Variants in ASXL3 observed in about 807,000 individuals in gnomAD.
ASXL3 encodes the protein putative Polycomb group protein ASXL3.
In ASXL3, 34 loss-of-function variants were observed where a neutral mutation model predicts 170.6. The observed-to-expected ratio is 0.20, with a 90% CI of 0.15 to 0.27. The LOEUF (loss-of-function observed/expected upper bound fraction) is 0.27. ASXL3 is among the 10% of genes least tolerant of loss of function. The probability of loss-of-function intolerance (pLI) is 1.00; values close to 1 mark genes in which losing one functional copy is unlikely to be tolerated. For missense variants in ASXL3, 2,592 were observed against 2,695.3 expected (o/e 0.96, Z 0.85); for synonymous variants, 1,002 against 989.1 (o/e 1.01, Z -0.24).
At chr18:33,650,759 G>A (rs2065985009) in intron 4 of ASXL3, among the ~76,000 whole-genome samples, 1 of 152,100 alleles carries the variant, frequency 6.6e-6, no homozygotes, top group Non-Finnish European at 1.5e-5. Flanking sequence ...TTGCATTCGG[G>A]AAATTACTTT....
chr18:33,605,157 T>C (rs1264922100), intron 1 of ASXL3, among the ~76,000 whole-genome samples: 1 of 151,966 alleles, frequency 6.6e-6, no homozygotes, highest in Non-Finnish European at 1.5e-5. Flanking sequence ...CAAGAGATTG[T>C]TGGGGCAATG....
At chr18:33,629,263 G>A (rs1211713851) in intron 2 of ASXL3, among the ~76,000 whole-genome samples, 2 of 152,070 alleles carry the variant, frequency 1.3e-5, no homozygotes, top group African/African-American at 4.8e-5. Context: ...GAAATTAGGT[G>A]GCAGGTGTAT....
At chr18:33,634,276 G>C (rs940834008) in intron 2 of ASXL3, among the ~76,000 whole-genome samples, 1 of 150,780 alleles carries the variant, frequency 6.6e-6, no homozygotes, top group Non-Finnish European at 1.5e-5. Context: ...GAGTACCCAC[G>C]TTCCAACAAA....
At position 33,578,458 on chromosome 18, in the gene ASXL3, C is replaced by G. The variant is rs2064962457; in HGVS notation, c.-174C>G. ...CCACCCCCTCGCTCCATCCCTCCCA[C>G]CCGCCGCCGCCGCCGCCGCCGCCGC... On this transcript the variant is annotated 5_prime_UTR_variant, in exon 1 of 12. Coordinates refer to ENST00000269197, the MANE Select transcript of ASXL3 (RefSeq NM_030632.3). The G allele has an allele frequency of 1.1e-5, 1 of 92,230 alleles. No individual in the cohort carries two copies. The highest frequency in any genetic ancestry group is 2.0e-5 in the Non-Finnish European group (1 of 49,896). 5.7% of individuals were successfully genotyped at this position (92,230 alleles called of 1,614,324 possible).
At position 33,744,533 on chromosome 18, in the gene ASXL3, T is replaced by C; in HGVS notation, c.4685T>C (p.Leu1562Ser). Residue 1562 changes from leucine (L) to serine (S), a missense_variant, in exon 12 of 12, where the codon TTA becomes TCA. This residue lies in a region of ASXL3 where 2,246 missense variants were observed against 2,219.6 expected (regional missense o/e 1.01). Coordinates refer to ENST00000269197, the MANE Select transcript of ASXL3 (RefSeq NM_030632.3). ...GCCACCTGCACAAGTCTCCGAGAATTACCCCTTGTTCCAGATAAATTAAAT... is the reference window on the plus strand; with the variant it reads ...GCCACCTGCACAAGTCTCCGAGAATCACCCCTTGTTCCAGATAAATTAAAT... ...LPATCTSLRE[L>S]PLVPDKLNEP... The C allele has an allele frequency of 6.2e-7, 1 of 1,612,196 alleles. No homozygotes were observed. The highest frequency in any genetic ancestry group is 8.5e-7 in the Non-Finnish European group (1 of 1,179,618).
chr18:33,675,700 CTGAGTTTCA>C (rs1001019560), intron 7 of ASXL3, among the ~76,000 whole-genome samples: 1 of 152,030 alleles, frequency 6.6e-6, no homozygotes. Context: ...TGTGCAAGGC[CTGAGTTTCA>C]CTTGGGCCTT....
At position 33,579,602 on chromosome 18, in the gene ASXL3, TTTTC is replaced by T. The variant is rs898234260; in HGVS notation, c.54+929_54+932del. ...ATGCATGTATATGTGTGGGTTTTTC[TTTTC>T]TTTCTTTCTTTTTTCTTCCTATCTT... is the stretch of plus-strand genomic sequence containing the variant. On this transcript the variant is annotated intron_variant, in intron 1 of 11. Transcript: ENST00000269197. Among the ~76,000 whole-genome samples, 15 of 152,320 alleles carry T rather than the reference TTTTC, an allele frequency of 9.8e-5. No homozygotes were observed. In the South Asian group the frequency reaches 1.4e-3, roughly 15 times the overall value.
At chr18:33,740,479 A>G (rs752560224) in intron 11 of ASXL3, 36 bp downstream of exon 11, 1 of 1,480,618 alleles carries the variant, frequency 6.8e-7, no homozygotes, top group Non-Finnish European at 9.0e-7. Context: ...AATTCCGTAG[A>G]TAGGCTTTTC....
At chr18:33,727,066 C>T (rs772828993) in intron 8 of ASXL3, among the ~76,000 whole-genome samples, 50 of 152,034 alleles carry the variant, frequency 3.3e-4, no homozygotes, top group East Asian at 9.7e-4. Context: ...TATTTAGAGC[C>T]GCAATCATCT....
At position 33,645,182 on chromosome 18, in the gene ASXL3, A is replaced by G. The variant is rs76463016; in HGVS notation, c.246+180A>G. ...AACAATGACATTTTTCTTTAAGGAAAGCATATCTGTGGTTTCACTCCGTGA... is the reference window on the plus strand; with the variant it reads ...AACAATGACATTTTTCTTTAAGGAAGGCATATCTGTGGTTTCACTCCGTGA... On this transcript the variant is annotated intron_variant, in intron 3 of 11. Coordinates refer to ENST00000269197, the MANE Select transcript of ASXL3 (RefSeq NM_030632.3). Among the ~76,000 whole-genome samples, 546 of 152,148 alleles carry G rather than the reference A, an allele frequency of 3.6e-3. 3 individuals carry two copies. Among genetic ancestry groups the G allele is most frequent in the African/African-American group, 0.012 (514 of 41,558 alleles).
intron 2 of ASXL3, chr18:33,626,841 C>T (rs2145163690): frequency 6.5e-6 from 1 of 152,790 alleles, no homozygotes; most frequent in East Asian, 1.9e-4. Context: ...ACTATATATA[C>T]ACATATATAA....
chr18:33,730,121 A>T (rs1460510091), intron 8 of ASXL3, among the ~76,000 whole-genome samples: 1 of 152,096 alleles, frequency 6.6e-6, no homozygotes. Context: ...TCCACAGGAC[A>T]TTTGGCCATG....
chr18:33,712,004 T>A (rs932753332), intron 8 of ASXL3, among the ~76,000 whole-genome samples: 1 of 152,164 alleles, frequency 6.6e-6, no homozygotes, highest in Admixed American at 6.6e-5. Flanking sequence ...CAATTTCTGG[T>A]TTACAGACAA....
intron 2 of ASXL3, among the ~76,000 whole-genome samples, chr18:33,627,500 G>C (rs2065620117): frequency 6.6e-6 from 1 of 151,926 alleles, no homozygotes; most frequent in East Asian, 1.9e-4. Flanking sequence ...TATATCCAGA[G>C]CCTTTTTCCC....
intron 1 of ASXL3, among the ~76,000 whole-genome samples, chr18:33,597,966 A>G (rs1253410885): frequency 6.6e-6 from 1 of 152,180 alleles, no homozygotes; most frequent in Non-Finnish European, 1.5e-5. Flanking sequence ...CTAGCATCTT[A>G]TATGGATTCC....
chr18:33,703,726 C>CATG (rs1348652424), intron 8 of ASXL3, among the ~76,000 whole-genome samples: 2 of 152,060 alleles, frequency 1.3e-5, no homozygotes, highest in African/African-American at 4.8e-5. Context: ...GCTTCCCTCA[C>CATG]ATGAATCTAT....
intron 8 of ASXL3, among the ~76,000 whole-genome samples, chr18:33,720,774 T>C (rs1307448701): frequency 1.3e-5 from 2 of 152,130 alleles, no homozygotes; most frequent in African/African-American, 4.8e-5. Flanking sequence ...ATTTCAGTTG[T>C]TTTTACTGAT....
chr18:33,617,681 A>G (rs1425331882), intron 2 of ASXL3, among the ~76,000 whole-genome samples: 2 of 152,172 alleles, frequency 1.3e-5, no homozygotes, highest in Non-Finnish European at 2.9e-5. Context: ...TATGCTGTCA[A>G]GCTTTCTTTC....
intron 7 of ASXL3, among the ~76,000 whole-genome samples, chr18:33,673,579 T>A (rs1225542574): frequency 1.3e-5 from 2 of 152,112 alleles, no homozygotes; most frequent in Admixed American, 1.3e-4. Context: ...TTGGCCAGGC[T>A]GGTCTCAAAC....
Sources: gnomAD v4.1 joint callset for allele counts (sites outside exome capture counted in the v4.1 genomes callset) on GRCh38, gnomAD v4.1.1 for gene constraint, gnomAD v4.1.1 regional missense constraint, MANE v1.5 for transcripts, NCBI Gene and HGNC (gene_info 2026-07-23, HGNC 2026-07-21) for gene names.